Variants in NPC1 observed in about 807,000 individuals in gnomAD.
The protein encoded by NPC1 is Niemann-Pick C1 protein.
NPC1 carries 85 observed loss-of-function variants against 140.4 expected under a neutral mutation model. The ratio of observed to expected loss-of-function variants is 0.61; its 90% CI spans 0.51 to 0.72. NPC1 has a LOEUF of 0.72. NPC1 is among the 30% of genes least tolerant of loss of function. The pLI, the probability that NPC1 is intolerant of heterozygous loss-of-function variation, is 0.00. For missense variants in NPC1, 1,504 were observed against 1,623.8 expected (o/e 0.93, Z 1.27); for synonymous variants, 656 against 624.8 (o/e 1.05, Z -0.74).
chr18:23,585,105 C>T (rs1422263783), intron 1 of NPC1, among the ~76,000 whole-genome samples: 9 of 151,940 alleles, frequency 5.9e-5, no homozygotes, highest in Non-Finnish European at 7.4e-5. Flanking sequence ...AGAATAGCCA[C>T]ATTTTCTCTA....
chr18:23,574,931 T>C (rs2059253394), intron 1 of NPC1, among the ~76,000 whole-genome samples: 1 of 152,180 alleles, frequency 6.6e-6, no homozygotes, highest in Non-Finnish European at 1.5e-5. Flanking sequence ...TTCCAACTAA[T>C]GGAAAAAAGT....
At chr18:23,529,306 G>A (rs766751883), downstream of NPC1, 23 of 1,602,956 alleles carry the variant, frequency 1.4e-5, no homozygotes, top group South Asian at 2.2e-5. Context: ...AAGGTGGGCT[G>A]CAGCTTTCCG....
chr18:23,577,446 G>C (rs571436990), intron 1 of NPC1, among the ~76,000 whole-genome samples: 4 of 143,286 alleles, frequency 2.8e-5, no homozygotes, highest in African/African-American at 7.5e-5. Context: ...ACAGAGTGTT[G>C]ATTGGTGCAC....
At position 23,545,044 on chromosome 18, in the gene NPC1, G is replaced by C. The variant is rs774696253; in HGVS notation, c.1863C>G (p.Val621=). The C allele has an allele frequency of 6.2e-7, 1 of 1,610,856 alleles. No homozygotes were observed. The highest frequency in any genetic ancestry group is 1.1e-5 in the South Asian group (1 of 91,022). ...DELNRESDSD[V]FTVVISYAIM... Reference sequence around the variant, plus strand: ...TGGCATAGCTAATTACAACGGTGAAGACATCACTGTCACTTTCACGATTTA... The same window carrying C: ...TGGCATAGCTAATTACAACGGTGAACACATCACTGTCACTTTCACGATTTA... The change falls in exon 12 of 25, where the codon GTC becomes GTG. Residue 621 remains valine, a synonymous_variant. Coordinates refer to ENST00000269228, the MANE Select transcript of NPC1 (RefSeq NM_000271.5).
chr18:23,567,281 A>G (rs1470637721), intron 4 of NPC1, among the ~76,000 whole-genome samples: 2 of 152,226 alleles, frequency 1.3e-5, no homozygotes, highest in Admixed American at 6.5e-5. Context: ...TCAATGAATG[A>G]GAGCTCATTG....
chr18:23,585,294 T>G (rs1303975619), intron 1 of NPC1, among the ~76,000 whole-genome samples: 1 of 152,286 alleles, frequency 6.6e-6, no homozygotes, highest in African/African-American at 2.4e-5. Flanking sequence ...CCCCGGCTGG[T>G]CTTGAACTGC....
At chr18:23,529,170 T>G (rs372218285), downstream of NPC1, 12 of 1,606,778 alleles carry the variant, frequency 7.5e-6, no homozygotes, top group African/African-American at 1.3e-4. Context: ...TGTGGTTTTT[T>G]TCTTTCAGGC....
intron 24 of NPC1, among the ~76,000 whole-genome samples, chr18:23,532,697 T>C (rs919192909): frequency 6.7e-6 from 1 of 149,744 alleles, no homozygotes; most frequent in Admixed American, 6.6e-5. Flanking sequence ...GCTCATCTCT[T>C]TTTTTTTTTT....
intron 3 of NPC1, among the ~76,000 whole-genome samples, chr18:23,571,708 G>A (rs1198368087): frequency 1.3e-5 from 2 of 151,308 alleles, no homozygotes; most frequent in Non-Finnish European, 2.9e-5. Context: ...ACATGGTAGT[G>A]CATGCCTGTA....
chr18:23,551,946 C>T (rs1310413021), intron 9 of NPC1, among the ~76,000 whole-genome samples: 2 of 152,216 alleles, frequency 1.3e-5, no homozygotes, highest in Non-Finnish European at 2.9e-5. Flanking sequence ...CCATCAATGG[C>T]ACATGGTGCA....
At chr18:23,567,958 C>T (rs1366688875) in intron 4 of NPC1, among the ~76,000 whole-genome samples, 144 of 152,240 alleles carry the variant, frequency 9.5e-4, no homozygotes, top group Non-Finnish European at 1.3e-3. Flanking sequence ...TGTTTATATT[C>T]ATAAATATTT....
rs71825108 is a variant in NPC1 at position 23,572,444 on chromosome 18, GTTTT to G, written c.181-268_181-265del. Among the ~76,000 whole-genome samples the G allele has an allele frequency of 0.099, 15,104 of 152,036 alleles. 1,301 individuals carry two copies. Among genetic ancestry groups the G allele is most frequent in the African/African-American group, 0.23 (9,441 of 41,384 alleles). On this transcript the variant is annotated intron_variant, in intron 2 of 24. Transcript: ENST00000269228. ...GACAATCATTTTATGTCTTCTTAGG[GTTTT>G]TTGTTTGTTTGATTCAATTCAACCA...
downstream of NPC1, chr18:23,520,099 C>A: frequency 1.2e-6 from 1 of 842,752 alleles, no homozygotes; most frequent in Non-Finnish European, 2.0e-6. Flanking sequence ...GAAATGCAAA[C>A]ACAGGCTTTT....
rs34182768 is a variant in NPC1 at position 23,548,339 on chromosome 18, C to CTTT, written c.1655-234_1655-232dup. ...TGGTTATCATTCAGGAAGAGTAACT[C>CTTT]TTTTTTTTTTTTTTTTTAAAGGATA... is the stretch of plus-strand genomic sequence containing the variant. On this transcript the variant is annotated intron_variant, in intron 10 of 24. Transcript: ENST00000269228. Among the ~76,000 whole-genome samples, 1,945 of 136,158 alleles carry CTTT rather than the reference C, an allele frequency of 0.014. 39 individuals carry two copies. The highest frequency in any genetic ancestry group is 0.05 in the African/African-American group (1,877 of 37,814). 89.3% of individuals were successfully genotyped at this position (136,158 alleles called of 152,430 possible).
At chr18:23,586,136 A>T in intron 1 of NPC1, 151 bp downstream of exon 1, 7 of 812,284 alleles carry the variant, frequency 8.6e-6, no homozygotes, top group Admixed American at 2.9e-5. Context: ...CCGGAGACAG[A>T]AACAGGACAA....
At chr18:23,523,303 AG>A (rs2058193325) in intron 1 of NPC1, among the ~76,000 whole-genome samples, 1 of 152,152 alleles carries the variant, frequency 6.6e-6, no homozygotes, top group Non-Finnish European at 1.5e-5. Context: ...GCTCATGAGC[AG>A]TATAACTGGT....
At chr18:23,529,400 T>C, downstream of NPC1, 2 of 1,480,084 alleles carry the variant, frequency 1.4e-6, no homozygotes, top group Non-Finnish European at 1.8e-6. Context: ...TTGAAGTGAT[T>C]AGAATCACTG....
intron 3 of NPC1, chr18:23,508,172 A>T (rs1444056934): frequency 1.3e-6 from 1 of 742,908 alleles, no homozygotes; most frequent in African/African-American, 1.8e-5. Context: ...TTGATTCCCA[A>T]ACTGGAGTCA....
At chr18:23,519,898 C>T (rs1160271692), downstream of NPC1, among the ~76,000 whole-genome samples, 1 of 152,156 alleles carries the variant, frequency 6.6e-6, no homozygotes, top group Admixed American at 6.5e-5. Context: ...GGTGGTGACG[C>T]TAACTCTGTG....
Sources: gnomAD v4.1 joint callset for allele counts (sites outside exome capture counted in the v4.1 genomes callset) on GRCh38, gnomAD v4.1.1 for gene constraint, MANE v1.5 for transcripts, NCBI Gene and HGNC (gene_info 2026-07-23, HGNC 2026-07-21) for gene names.